SERPINE2: variants seen among roughly 807,000 people sequenced by gnomAD.
SERPINE2 encodes glia-derived nexin.
Under a neutral mutation model 36.3 loss-of-function variants are expected in SERPINE2, and 14 were observed. The ratio of observed to expected loss-of-function variants is 0.39; its 90% confidence interval spans 0.25 to 0.60. SERPINE2 has a LOEUF of 0.60. Among genes scored for constraint, SERPINE2 ranks in the 20% least tolerant of loss-of-function variants. The pLI, the probability that SERPINE2 is intolerant of heterozygous loss-of-function variation, is 0.57. For synonymous variants in SERPINE2, 192 were observed against 191.8 expected (o/e 1.00, Z -0.01); for missense variants, 418 against 499.6 (o/e 0.84, Z 1.56).
At chr2:223,989,959 C>T (rs989110605) in intron 4 of SERPINE2, among the ~76,000 whole-genome samples, 2 of 152,116 alleles carry the variant, frequency 1.3e-5, no homozygotes, top group Non-Finnish European at 2.9e-5. Flanking sequence ...ACGGTGGGCA[C>T]CATGGCTAGC....
At chr2:224,036,403 T>G (rs1369037452) in intron 1 of SERPINE2, among the ~76,000 whole-genome samples, 1 of 137,120 alleles carries the variant, frequency 7.3e-6, no homozygotes, top group Admixed American at 7.8e-5. Flanking sequence ...AGAAACCTAG[T>G]GGGTATCCAT....
chr2:223,989,873 A>G (rs1259554978), intron 4 of SERPINE2, among the ~76,000 whole-genome samples: 2 of 152,206 alleles, frequency 1.3e-5, no homozygotes, highest in East Asian at 3.8e-4. Context: ...CCATTTAAGC[A>G]GAATTTGATG....
rs1691618255 is a variant in SERPINE2 at position 224,011,347 on chromosome 2, A to G, written c.-22-9425T>C. On this transcript the variant is annotated intron_variant, in intron 1 of 8. Coordinates refer to ENST00000409304, the MANE Select transcript of SERPINE2 (RefSeq NM_001136528.2). ...AGTACCTTTTTTAGACATAAAAAATATTACACATAGTTCATGACCATGTTT... is the reference window on the plus strand; with the variant it reads ...AGTACCTTTTTTAGACATAAAAAATGTTACACATAGTTCATGACCATGTTT... 3.9e-5 allele frequency among the ~76,000 whole-genome samples: 6 copies of G among 152,242 alleles called. No homozygotes were observed. In the South Asian group the frequency reaches 1.2e-3, roughly 32 times the overall value.
At chr2:224,016,623 T>A (rs1691809054) in intron 1 of SERPINE2, among the ~76,000 whole-genome samples, 2 of 152,222 alleles carry the variant, frequency 1.3e-5, no homozygotes, top group South Asian at 4.1e-4. Context: ...CCAGCAATGC[T>A]GGACATTTAT....
At chr2:223,996,841 C>G (rs1414186983) in intron 3 of SERPINE2, among the ~76,000 whole-genome samples, 1 of 152,200 alleles carries the variant, frequency 6.6e-6, no homozygotes, top group East Asian at 1.9e-4. Context: ...CTCTGGGAGG[C>G]TGAGGCGAGA....
chr2:223,999,982 G>A (rs1428377792), intron 2 of SERPINE2, among the ~76,000 whole-genome samples: 2 of 152,138 alleles, frequency 1.3e-5, no homozygotes, highest in East Asian at 1.9e-4. Flanking sequence ...CTGCAAACTC[G>A]TACAGAAGTG....
chr2:223,992,074 G>T, intron 3 of SERPINE2, 74 bp from the exon 4 acceptor site: 1 of 1,257,410 alleles, frequency 8.0e-7, no homozygotes, highest in Non-Finnish European at 1.1e-6. Flanking sequence ...AATGGCAGCT[G>T]TCATCAGGTA....
At chr2:224,007,320 A>G (rs1459932049) in intron 1 of SERPINE2, among the ~76,000 whole-genome samples, 1 of 152,216 alleles carries the variant, frequency 6.6e-6, no homozygotes, top group Non-Finnish European at 1.5e-5. Context: ...CATTCTCTAT[A>G]AAAGGTTTAA....
intron 1 of SERPINE2, among the ~76,000 whole-genome samples, chr2:224,017,010 C>A (rs1691822430): frequency 6.6e-6 from 1 of 152,146 alleles, no homozygotes; most frequent in Non-Finnish European, 1.5e-5. Flanking sequence ...AAAAGGGAGG[C>A]ATGAGGGGTC....
intron 4 of SERPINE2, among the ~76,000 whole-genome samples, chr2:223,986,803 T>C (rs959449788): frequency 2.0e-5 from 3 of 152,144 alleles, no homozygotes; most frequent in Admixed American, 1.3e-4. Flanking sequence ...ATCAGTAATA[T>C]TAATAACCAT....
chr2:224,004,869 C>A (rs1243521472), intron 1 of SERPINE2, among the ~76,000 whole-genome samples: 1 of 150,814 alleles, frequency 6.6e-6, no homozygotes, highest in Non-Finnish European at 1.5e-5. Flanking sequence ...TGAAGCCTCC[C>A]CAAAGAAATG....
intron 1 of SERPINE2, among the ~76,000 whole-genome samples, chr2:224,034,923 T>A (rs1692485019): frequency 6.6e-6 from 1 of 152,214 alleles, no homozygotes; most frequent in Non-Finnish European, 1.5e-5. Flanking sequence ...GAAACTCGGG[T>A]ACAACACTGT....
At chr2:223,976,702 T>C (rs1387630430) in intron 8 of SERPINE2, among the ~76,000 whole-genome samples, 1 of 152,254 alleles carries the variant, frequency 6.6e-6, no homozygotes, top group East Asian at 1.9e-4. Context: ...TAATAAGCAG[T>C]CAGCACTACT....
chr2:223,990,168 C>G (rs1410324497), intron 4 of SERPINE2, among the ~76,000 whole-genome samples: 1 of 152,044 alleles, frequency 6.6e-6, no homozygotes, highest in African/African-American at 2.4e-5. Flanking sequence ...AGCAGCAAAC[C>G]CAGCAAGAAG....
intron 1 of SERPINE2, among the ~76,000 whole-genome samples, chr2:224,015,488 G>A (rs1691771407): frequency 6.6e-6 from 1 of 152,190 alleles, no homozygotes; most frequent in Non-Finnish European, 1.5e-5. Flanking sequence ...CTTGTGTTGG[G>A]AGGTACCATG....
chr2:224,006,236 G>C (rs1691417917), intron 1 of SERPINE2, among the ~76,000 whole-genome samples: 1 of 152,188 alleles, frequency 6.6e-6, no homozygotes, highest in Non-Finnish European at 1.5e-5. Context: ...GAATTGCAGT[G>C]CTATACTTTC....
intron 8 of SERPINE2, among the ~76,000 whole-genome samples, chr2:223,977,070 A>G (rs1247980585): frequency 6.6e-6 from 1 of 152,136 alleles, no homozygotes; most frequent in Non-Finnish European, 1.5e-5. Context: ...TTCCACCGTA[A>G]TTGTGAGGTT....
intron 1 of SERPINE2, among the ~76,000 whole-genome samples, chr2:224,027,871 C>T (rs1274786689): frequency 6.6e-6 from 1 of 152,196 alleles, no homozygotes; most frequent in African/African-American, 2.4e-5. Flanking sequence ...GCACGTCACC[C>T]AAATACAACA....
intron 1 of SERPINE2, among the ~76,000 whole-genome samples, chr2:224,015,950 C>A (rs149486198): frequency 1.3e-5 from 2 of 152,024 alleles, no homozygotes; most frequent in African/African-American, 2.4e-5. Flanking sequence ...AAAAAAAAAT[C>A]GGATTAGGAA....
Sources: allele counts gnomAD v4.1 joint callset (sites outside exome capture counted in the v4.1 genomes callset), GRCh38; gene constraint gnomAD v4.1.1; transcripts MANE v1.5; gene names NCBI Gene and HGNC (gene_info 2026-07-23, HGNC 2026-07-21).